Variants in ZNF536 observed in about 807,000 individuals in gnomAD.
ZNF536 encodes zinc finger protein 536.
Under a neutral mutation model 84.5 loss-of-function variants are expected in ZNF536, and 13 were observed. The ratio of observed to expected loss-of-function variants is 0.15; its 90% CI spans 0.10 to 0.24. ZNF536 has a LOEUF of 0.24. Ranked by LOEUF, ZNF536 falls within the 10% of genes least tolerant of loss-of-function variation. The pLI, the probability that ZNF536 is intolerant of heterozygous loss-of-function variation, is 1.00. For synonymous variants in ZNF536, 811 were observed against 742.5 expected (o/e 1.09, Z -1.50); for missense variants, 1,536 against 1,747.5 (o/e 0.88, Z 2.16).
chr19:30,244,115 C>T (rs549298289), intron 1 of ZNF536, among the ~76,000 whole-genome samples: 34 of 152,182 alleles, frequency 2.2e-4, no homozygotes, highest in African/African-American at 7.7e-4. Flanking sequence ...TTCCAAGTAC[C>T]GATTGTCAGT....
At chr19:30,455,678 G>C (rs543975550) in intron 2 of ZNF536, among the ~76,000 whole-genome samples, 3 of 152,312 alleles carry the variant, frequency 2.0e-5, no homozygotes, top group African/African-American at 7.2e-5. Flanking sequence ...TCCAGCCTGG[G>C]CAACAGAGCA....
At chr19:30,562,658 A>G (rs772816923), downstream of ZNF536, among the ~76,000 whole-genome samples, 5 of 152,042 alleles carry the variant, frequency 3.3e-5, no homozygotes, top group Non-Finnish European at 7.4e-5. Flanking sequence ...TGAATCCAGG[A>G]GTTCCCTTTT....
chr19:30,463,788 A>G (rs1460563912), intron 2 of ZNF536, among the ~76,000 whole-genome samples: 1 of 152,086 alleles, frequency 6.6e-6, no homozygotes, highest in Non-Finnish European at 1.5e-5. Flanking sequence ...TGAGCTGGGC[A>G]GGTTACCAGG....
chr19:30,654,825 AC>A (rs920192328), intron 1 of ZNF536, among the ~76,000 whole-genome samples: 4 of 150,692 alleles, frequency 2.7e-5, no homozygotes, highest in African/African-American at 9.8e-5. Flanking sequence ...TGTGTCTGCC[AC>A]CCACCCCCCA....
At chr19:30,346,679 TC>T (rs2047752817) in intron 2 of ZNF536, among the ~76,000 whole-genome samples, 1 of 152,256 alleles carries the variant, frequency 6.6e-6, no homozygotes, top group Non-Finnish European at 1.5e-5. Context: ...ATGATCTTGT[TC>T]TTTTTTATGG....
chr19:30,278,806 C>A (rs2045334095), intron 1 of ZNF536, among the ~76,000 whole-genome samples: 1 of 152,194 alleles, frequency 6.6e-6, no homozygotes, highest in African/African-American at 2.4e-5. Flanking sequence ...CAGCCTCCCC[C>A]ATGGGTCCCC....
At chr19:30,560,716 G>A (rs938878467), downstream of ZNF536, among the ~76,000 whole-genome samples, 7 of 152,196 alleles carry the variant, frequency 4.6e-5, no homozygotes, top group South Asian at 4.1e-4. Flanking sequence ...ACACATGTTC[G>A]GAAGTGTGTT....
At chr19:30,655,037 C>T (rs184112539) in intron 1 of ZNF536, among the ~76,000 whole-genome samples, 61 of 152,306 alleles carry the variant, frequency 4.0e-4, no homozygotes, top group African/African-American at 1.5e-3. Context: ...GGCTGTGCTC[C>T]TACAACGAAG....
chr19:30,327,520 T>C (rs1292850929), intron 2 of ZNF536, among the ~76,000 whole-genome samples: 3 of 152,232 alleles, frequency 2.0e-5, no homozygotes, highest in Non-Finnish European at 4.4e-5. Flanking sequence ...TGAACCCAGC[T>C]TTGCATGTTG....
At chr19:30,701,707 G>T (rs80043477) in intron 1 of ZNF536, among the ~76,000 whole-genome samples, 12 of 152,298 alleles carry the variant, frequency 7.9e-5, no homozygotes, top group African/African-American at 2.9e-4. Flanking sequence ...GTGGAGAGAC[G>T]AGCATTCTTT....
At chr19:30,244,972 A>T (rs549674907) in intron 1 of ZNF536, among the ~76,000 whole-genome samples, 1 of 152,316 alleles carries the variant, frequency 6.6e-6, no homozygotes, top group South Asian at 2.1e-4. Flanking sequence ...GGAGGGTTTG[A>T]CAGGCTTAAG....
At chr19:30,395,573 A>G (rs936392340) in intron 1 of ZNF536, among the ~76,000 whole-genome samples, 2 of 152,186 alleles carry the variant, frequency 1.3e-5, no homozygotes, top group Admixed American at 6.5e-5. Context: ...TGTTGCGCCT[A>G]AATGTCTCAG....
chr19:30,685,192 C>T (rs888377234), intron 1 of ZNF536, among the ~76,000 whole-genome samples: 1 of 152,148 alleles, frequency 6.6e-6, no homozygotes, highest in African/African-American at 2.4e-5. Context: ...CCCATCTGAG[C>T]CCTTGGGGTC....
intron 1 of ZNF536, among the ~76,000 whole-genome samples, chr19:30,696,227 C>A (rs946902654): frequency 6.6e-6 from 1 of 152,140 alleles, no homozygotes; most frequent in Non-Finnish European, 1.5e-5. Flanking sequence ...CCCCAGCCCC[C>A]GCAATGTTGG....
At position 30,372,461 on chromosome 19, in the gene ZNF536, G is replaced by A. The variant is rs2048643644; in HGVS notation, c.-98G>A. The A allele has an allele frequency of 6.6e-6, 1 of 152,210 alleles. No homozygotes were observed. The highest frequency in any genetic ancestry group is 2.4e-5 in the African/African-American group (1 of 41,450). 9.4% of individuals were successfully genotyped at this position (152,210 alleles called of 1,614,324 possible). A position where few individuals can be genotyped will look rare whatever the true frequency, so the allele number is the denominator to read the frequency against. On this transcript the variant is annotated 5_prime_UTR_variant, in exon 1 of 5. Coordinates refer to ENST00000355537, the MANE Select transcript of ZNF536 (RefSeq NM_014717.3). ...TTTCCACGTTGTCATCATAGGATCT[G>A]GACTCAAGTGACCAAAACCTTGCTT...
chr19:30,632,902 G>C (rs1002954798), intron 1 of ZNF536, among the ~76,000 whole-genome samples: 2 of 152,218 alleles, frequency 1.3e-5, no homozygotes, highest in Non-Finnish European at 2.9e-5. Flanking sequence ...TGATCTGGAA[G>C]ATTGAATTCA....
intron 2 of ZNF536, among the ~76,000 whole-genome samples, chr19:30,481,116 A>AG (rs1356553139): frequency 6.6e-6 from 1 of 151,996 alleles, no homozygotes; most frequent in Non-Finnish European, 1.5e-5. Context: ...ATTAAAGATA[A>AG]GATCATTTCA....
At chr19:30,521,477 A>G (rs1165665666) in intron 2 of ZNF536, among the ~76,000 whole-genome samples, 1 of 152,152 alleles carries the variant, frequency 6.6e-6, no homozygotes, top group Non-Finnish European at 1.5e-5. Flanking sequence ...CCCATTGAGA[A>G]TTTGCCAGAC....
intron 2 of ZNF536, among the ~76,000 whole-genome samples, chr19:30,334,692 A>G (rs1218378223): frequency 6.6e-6 from 1 of 152,210 alleles, no homozygotes; most frequent in Non-Finnish European, 1.5e-5. Context: ...GTTATTCATG[A>G]TGAAAATTCT....
Sources: gnomAD v4.1 joint callset for allele counts (sites outside exome capture counted in the v4.1 genomes callset) on GRCh38, gnomAD v4.1.1 for gene constraint, MANE v1.5 for transcripts, NCBI Gene and HGNC (gene_info 2026-07-23, HGNC 2026-07-21) for gene names.